Variants in MAOB observed in about 807,000 individuals in gnomAD.
MAOB encodes amine oxidase [flavin-containing] B.
Under a neutral mutation model 41.9 loss-of-function variants are expected in MAOB, and 15 were observed. The ratio of observed to expected loss-of-function variants is 0.36; its 90% CI spans 0.24 to 0.55. The LOEUF is 0.55. Ranked by LOEUF, MAOB falls within the 20% of genes least tolerant of loss-of-function variation. The pLI, the probability that MAOB is intolerant of heterozygous loss-of-function variation, is 0.86. For missense variants in MAOB, 345 were observed against 398.7 expected, an observed-to-expected ratio of 0.87 and a Z score of 1.15; for synonymous variants, 167 against 144.2, an observed-to-expected ratio of 1.16 and a Z score of -1.13.
chrX:43,877,805 A>T (rs1437655465), intron 1 of MAOB, among the ~76,000 whole-genome samples: 1 of 112,129 alleles, frequency 8.9e-6, no homozygotes, highest in Non-Finnish European at 1.9e-5. Context: ...GGGGGGATAA[A>T]GGAATTGGCT....
intron 10 of MAOB, among the ~76,000 whole-genome samples, chrX:43,780,136 TACA>T (rs2034310839): frequency 8.9e-6 from 1 of 111,845 alleles, no homozygotes; most frequent in African/African-American, 3.2e-5. Context: ...CTATGTCTTT[TACA>T]ACAAGACCCT....
chrX:43,853,058 T>C (rs2035262116), intron 1 of MAOB, among the ~76,000 whole-genome samples: 1 of 109,567 alleles, frequency 9.1e-6, no homozygotes, highest in East Asian at 2.9e-4. Context: ...CCCAGCACTT[T>C]AGGAGGCCGA....
At chrX:43,821,086 T>C (rs2034873949) in intron 3 of MAOB, among the ~76,000 whole-genome samples, 1 of 111,976 alleles carries the variant, frequency 8.9e-6, no homozygotes, top group Non-Finnish European at 1.9e-5. Flanking sequence ...GTTATTATGA[T>C]TTTAATAAAT....
intron 3 of MAOB, among the ~76,000 whole-genome samples, chrX:43,829,924 C>T (rs1029930502): frequency 2.7e-5 from 3 of 111,558 alleles, no homozygotes; most frequent in Admixed American, 9.6e-5. Flanking sequence ...GTGCCTGGTC[C>T]GAATTGAGAT....
chrX:43,774,670 T>G (rs1262646071), intron 12 of MAOB, among the ~76,000 whole-genome samples: 1 of 111,693 alleles, frequency 9.0e-6, no homozygotes, highest in Non-Finnish European at 1.9e-5. Context: ...GTTTTTATAA[T>G]TTTGTCCCCG....
At chrX:43,780,537 A>G (rs1173237255) in intron 9 of MAOB, 142 bp from the exon 10 acceptor site, 5 of 397,302 alleles carry the variant, frequency 1.3e-5, no homozygotes, top group African/African-American at 7.5e-5. Flanking sequence ...TCTTACGTTC[A>G]AAGTTTTATG....
chrX:43,775,075 T>C, intron 12 of MAOB, 100 bp downstream of exon 12: 1 of 858,567 alleles, frequency 1.2e-6, no homozygotes. Flanking sequence ...TTTTTTTTTG[T>C]ATTTATAAGA....
At position 43,843,664 on chromosome X, in the gene MAOB, C is replaced by G. The variant is rs1478445875; in HGVS notation, c.141+6G>C. The stretch of plus-strand genomic sequence containing the variant: ...ACATTTGTCCTCCGGATTCTTAATG[C>G]CTTACCCTAAGAGTGTAAGTCCTGC... On this transcript the variant is annotated splice_donor_region_variant and intron_variant, in intron 2 of 14. Coordinates refer to ENST00000378069, the MANE Select transcript of MAOB (RefSeq NM_000898.5). 8.3e-7 allele frequency: 1 copy of G among 1,205,010 alleles called. No homozygotes were observed.
At position 43,881,204 on chromosome X, in the gene MAOB, G is replaced by GT. The variant is rs1288378044; in HGVS notation, c.46+1049dup. ...TCAGCACCAAACATCCAATGCCTTGGTTTTTTCTCCAGCCACAGGAGAGTC... is the reference window on the plus strand; with the variant it reads ...TCAGCACCAAACATCCAATGCCTTGGTTTTTTTCTCCAGCCACAGGAGAGTC... On this transcript the variant is annotated intron_variant, in intron 1 of 14. Transcript: ENST00000378069. Among the ~76,000 whole-genome samples the GT allele has an allele frequency of 2.6e-5, 3 of 113,229 alleles. No homozygotes were observed. The South Asian group carries it at 1.1e-3, about 41-fold the overall frequency.
chrX:43,881,622 A>G (rs996775667), intron 1 of MAOB, among the ~76,000 whole-genome samples: 1 of 111,932 alleles, frequency 8.9e-6, no homozygotes, highest in Non-Finnish European at 1.9e-5. Context: ...CCAGAGAGCA[A>G]AGCTGCAGCT....
chrX:43,852,112 G>A lies in MAOB; in HGVS notation c.47-8348C>T, dbSNP rs187872819. Among the ~76,000 whole-genome samples the A allele has an allele frequency of 3.5e-3, 387 of 111,798 alleles. 1 individual carries two copies. The highest frequency in any genetic ancestry group is 0.012 in the African/African-American group (366 of 30,773). The stretch of plus-strand genomic sequence containing the variant: ...CTCAGACAAGAGTCCCCACCTTTCT[G>A]GGACTCACTTTCCCCATCTATAAAA... On this transcript the variant is annotated intron_variant, in intron 1 of 14. Transcript: ENST00000378069.
intron 1 of MAOB, among the ~76,000 whole-genome samples, chrX:43,861,362 A>G (rs1490926750): frequency 8.9e-6 from 1 of 112,804 alleles, no homozygotes; most frequent in Admixed American, 9.4e-5. Context: ...ACGTATTTTA[A>G]TGTCAAGGTG....
intron 8 of MAOB, among the ~76,000 whole-genome samples, chrX:43,787,639 G>A (rs2034416876): frequency 9.1e-6 from 1 of 109,428 alleles, no homozygotes. Context: ...TACAATTTAG[G>A]AATACCTATA....
intron 11 of MAOB, 35 bp from the exon 12 acceptor site, chrX:43,775,307 T>G (rs1569209127): frequency 1.7e-6 from 2 of 1,188,273 alleles, no homozygotes; most frequent in Non-Finnish European, 1.1e-6. Flanking sequence ...TGAAGGAGAC[T>G]CAGAGAAAGC....
intron 3 of MAOB, among the ~76,000 whole-genome samples, chrX:43,825,793 A>G (rs2034938686): frequency 8.9e-6 from 1 of 112,212 alleles, no homozygotes; most frequent in South Asian, 3.7e-4. Flanking sequence ...GCTCTAAAAT[A>G]TACTTGAAAA....
In MAOB at chrX:43,848,191, G is replaced by A. The variant is rs186850317; in HGVS notation, c.47-4427C>T. On this transcript the variant is annotated intron_variant, in intron 1 of 14. Transcript: ENST00000378069. ...GTAACACAGAAGTGCCCTCTTTACA[G>A]TGTCTTAAGGGCAGTTAGAGGAGCC... Among the ~76,000 whole-genome samples the A allele has an allele frequency of 4.5e-5, 5 of 111,699 alleles. No individual in the cohort carries two copies. The East Asian group carries it at 1.4e-3, about 31-fold the overall frequency.
At chrX:43,879,531 C>A (rs892207023) in intron 1 of MAOB, among the ~76,000 whole-genome samples, 1 of 111,599 alleles carries the variant, frequency 9.0e-6, no homozygotes, top group African/African-American at 3.3e-5. Flanking sequence ...CATTTGTAAC[C>A]CCAATTTCAT....
rs1253657254 is a variant in MAOB, at chrX:43,846,456, C to G, written c.47-2692G>C. ...ATTACAAAAATATCTTTAAAAAGGG[C>G]AACACAAAAATATGTTGCTGGAAGT... On this transcript the variant is annotated intron_variant, in intron 1 of 14. Transcript: ENST00000378069. 2.7e-5 allele frequency among the ~76,000 whole-genome samples: 3 copies of G among 111,531 alleles called. No homozygotes were observed. In the Admixed American group the frequency reaches 2.9e-4, roughly 11 times the overall value.
At chrX:43,838,315 G>A (rs2035094311) in intron 3 of MAOB, among the ~76,000 whole-genome samples, 2 of 111,782 alleles carry the variant, frequency 1.8e-5, no homozygotes, top group African/African-American at 6.5e-5. Flanking sequence ...AATGATCACA[G>A]GAATGAGAAA....
Sources: allele counts gnomAD v4.1 joint callset (sites outside exome capture counted in the v4.1 genomes callset), GRCh38; gene constraint gnomAD v4.1.1; transcripts MANE v1.5; gene names NCBI Gene and HGNC (gene_info 2026-07-23, HGNC 2026-07-21).